Variants in SORBS2 observed in about 807,000 individuals in gnomAD.
SORBS2 encodes sorbin and SH3 domain containing 2.
Under a neutral mutation model 97.7 loss-of-function variants are expected in SORBS2, and 46 were observed. That is an observed-to-expected ratio of 0.47 (90% CI 0.37 to 0.60). The LOEUF (loss-of-function observed/expected upper bound fraction) is 0.60. Among genes scored for constraint, SORBS2 ranks in the 20% least tolerant of loss-of-function variants. The pLI is 0.00. For synonymous variants in SORBS2, 476 were observed against 473.4 expected (o/e 1.01, Z -0.07); for missense variants, 1,316 against 1,282.3 (o/e 1.03, Z -0.40).
intron 1 of SORBS2, among the ~76,000 whole-genome samples, chr4:185,878,250 C>A (rs181748726): frequency 6.6e-6 from 1 of 151,994 alleles, no homozygotes; most frequent in East Asian, 1.9e-4. Context: ...TCTATTTTGG[C>A]AATTAAGTAA....
chr4:185,716,746 C>T (rs891861750), intron 2 of SORBS2, among the ~76,000 whole-genome samples: 2 of 152,142 alleles, frequency 1.3e-5, no homozygotes, highest in African/African-American at 4.8e-5. Context: ...CAGCAGCTCC[C>T]TGGATTGAGT....
chr4:185,670,009 A>C (rs1259995010), intron 4 of SORBS2, among the ~76,000 whole-genome samples: 6 of 152,074 alleles, frequency 3.9e-5, no homozygotes, highest in Non-Finnish European at 8.8e-5. Flanking sequence ...ACCTGAGGTC[A>C]GGAGTTCTAG....
chr4:185,797,867 A>G (rs1481626891), intron 1 of SORBS2, among the ~76,000 whole-genome samples: 1 of 152,172 alleles, frequency 6.6e-6, no homozygotes, highest in Non-Finnish European at 1.5e-5. Flanking sequence ...CCTGCAGACA[A>G]TGCTTTCTCC....
chr4:185,824,571 G>A (rs1309033825), intron 1 of SORBS2, among the ~76,000 whole-genome samples: 1 of 152,168 alleles, frequency 6.6e-6, no homozygotes, highest in African/African-American at 2.4e-5. Context: ...TCCCTATGCA[G>A]TTGGGTCTGT....
At chr4:185,822,479 A>G (rs1398909102) in intron 1 of SORBS2, among the ~76,000 whole-genome samples, 1 of 152,256 alleles carries the variant, frequency 6.6e-6, no homozygotes, top group Non-Finnish European at 1.5e-5. Flanking sequence ...GTTTTCACAG[A>G]CATGCATATG....
exon 4 of SORBS2, chr4:185,646,734 C>T (rs1484528014): frequency 6.2e-7 from 1 of 1,614,012 alleles, no homozygotes; most frequent in Non-Finnish European, 8.5e-7. Context: ...TTGGCTCAGA[C>T]CGAAATTTTC....
At position 185,631,843 on chromosome 4, in the gene SORBS2, T is replaced by C. The variant is rs536035137; in HGVS notation, c.397-1245A>G. Reference sequence around the variant, plus strand: ...AGTATAAAGAAAGTATAGGGAGATGTATACCAAGTATAGATAGTTTTGCCT... The same window carrying C: ...AGTATAAAGAAAGTATAGGGAGATGCATACCAAGTATAGATAGTTTTGCCT... On this transcript the variant is annotated intron_variant, in intron 4 of 14. Coordinates refer to ENST00000418609, the Ensembl canonical transcript of SORBS2. 8.5e-5 allele frequency among the ~76,000 whole-genome samples: 13 copies of C among 152,338 alleles called. No individual in the cohort carries two copies. In the South Asian group the frequency reaches 2.7e-3, roughly 32 times the overall value.
chr4:185,818,501 AAAAGTCAGAC>A (rs2153669889), intron 1 of SORBS2, among the ~76,000 whole-genome samples: 1 of 152,268 alleles, frequency 6.6e-6, no homozygotes, highest in Non-Finnish European at 1.5e-5. Flanking sequence ...CTATATTTTT[AAAAGTCAGAC>A]TCTGGCATCC....
At chr4:185,746,912 G>A (rs970793487) in intron 2 of SORBS2, among the ~76,000 whole-genome samples, 6 of 152,186 alleles carry the variant, frequency 3.9e-5, no homozygotes, top group Admixed American at 6.5e-5. Context: ...ATGTGCCTGT[G>A]CCCTGTATTT....
At chr4:185,787,867 C>T (rs552163566) in intron 1 of SORBS2, among the ~76,000 whole-genome samples, 1 of 152,340 alleles carries the variant, frequency 6.6e-6, no homozygotes, top group Non-Finnish European at 1.5e-5. Context: ...TGAATCATAG[C>T]TGGAAAGCAC....
At chr4:185,767,382 T>C (rs13122909) in intron 2 of SORBS2, among the ~76,000 whole-genome samples, 9,130 of 102,180 alleles carry the variant, frequency 0.089, 993 homozygotes, top group Middle Eastern at 0.15. Flanking sequence ...CGCCTGTAGT[T>C]CCAGTTACTC....
intron 3 of SORBS2, 68 bp downstream of exon 6, chr4:185,678,728 G>T: frequency 8.4e-7 from 1 of 1,194,596 alleles, no homozygotes; most frequent in Non-Finnish European, 1.2e-6. Context: ...AGTCAGCGAT[G>T]TGGCTATGAA....
chr4:185,920,320 A>T (rs2099260366), intron 1 of SORBS2, among the ~76,000 whole-genome samples: 1 of 152,182 alleles, frequency 6.6e-6, no homozygotes, highest in South Asian at 2.1e-4. Context: ...TTACCGTAGC[A>T]CAAGGTGTCT....
At chr4:185,940,828 T>C (rs2099271594) in intron 1 of SORBS2, among the ~76,000 whole-genome samples, 1 of 152,204 alleles carries the variant, frequency 6.6e-6, no homozygotes, top group South Asian at 2.1e-4. Context: ...AGGAGTCCTA[T>C]ATTGCCCTAT....
chr4:185,943,084 A>G (rs1284830397), intron 1 of SORBS2, among the ~76,000 whole-genome samples: 1 of 152,230 alleles, frequency 6.6e-6, no homozygotes, highest in African/African-American at 2.4e-5. Context: ...AAGGCTTATG[A>G]CATTTTTCCT....
At chr4:185,919,083 G>A (rs2099259745) in intron 1 of SORBS2, among the ~76,000 whole-genome samples, 2 of 152,146 alleles carry the variant, frequency 1.3e-5, no homozygotes, top group African/African-American at 4.8e-5. Flanking sequence ...GGGACACTGG[G>A]AACTCAGGAA....
chr4:185,669,100 C>G (rs537688490), intron 4 of SORBS2, among the ~76,000 whole-genome samples: 6 of 152,202 alleles, frequency 3.9e-5, no homozygotes, highest in Non-Finnish European at 7.3e-5. Flanking sequence ...AGAGTGCTCA[C>G]CAATCAACAC....
At chr4:185,921,649 A>G (rs1056583868) in intron 1 of SORBS2, among the ~76,000 whole-genome samples, 9 of 152,236 alleles carry the variant, frequency 5.9e-5, no homozygotes, top group Non-Finnish European at 1.3e-4. Flanking sequence ...ATTTCTGAGA[A>G]GATACAGGTT....
At chr4:185,879,901 T>G (rs2099236014) in intron 1 of SORBS2, among the ~76,000 whole-genome samples, 2 of 152,220 alleles carry the variant, frequency 1.3e-5, no homozygotes, top group Non-Finnish European at 2.9e-5. Context: ...CTTGACCCCG[T>G]GCTGGGACCT....
Sources: gnomAD v4.1 joint callset for allele counts (sites outside exome capture counted in the v4.1 genomes callset) on GRCh38, gnomAD v4.1.1 for gene constraint, MANE v1.5 for transcripts, NCBI Gene and HGNC (gene_info 2026-07-23, HGNC 2026-07-21) for gene names.